The following ATG16L1 variants were observed in gnomAD, a reference collection of about 807,000 sequenced individuals.
ATG16L1 encodes the protein autophagy related 16 like 1, also known as autophagy-related protein 16-1.
In ATG16L1, 37 loss-of-function variants were observed where a neutral mutation model predicts 88.5. The ratio of observed to expected loss-of-function variants is 0.42; its 90% confidence interval spans 0.32 to 0.55. ATG16L1 has a LOEUF of 0.55. Ranked by LOEUF, ATG16L1 falls within the 20% of genes least tolerant of loss-of-function variation. The probability of loss-of-function intolerance (pLI) is 0.13; values close to 1 mark genes in which losing one functional copy is unlikely to be tolerated. For synonymous variants in ATG16L1, 301 were observed against 281.0 expected, an observed-to-expected ratio of 1.07 and a Z score of -0.71; for missense variants, 554 against 752.8, an observed-to-expected ratio of 0.74 and a Z score of 3.09.
At chr2:233,289,278 C>A (rs953353628) in intron 12 of ATG16L1, among the ~76,000 whole-genome samples, 1 of 151,834 alleles carries the variant, frequency 6.6e-6, no homozygotes, top group Non-Finnish European at 1.5e-5. Context: ...GTCTTGATAC[C>A]TCACCTTTGG....
intron 8 of ATG16L1, chr2:233,274,300 G>T (rs746456982): frequency 4.1e-6 from 2 of 483,406 alleles, no homozygotes; most frequent in Non-Finnish European, 7.3e-6. Context: ...TTCTAACTAG[G>T]CATAGAAATA....
At chr2:233,278,400 A>C (rs1221317719) in intron 10 of ATG16L1, among the ~76,000 whole-genome samples, 1 of 152,250 alleles carries the variant, frequency 6.6e-6, no homozygotes. Context: ...AACGGGAACC[A>C]CTTTGCCAAG....
chr2:233,257,069 G>A (rs1465641210), intron 2 of ATG16L1, among the ~76,000 whole-genome samples: 3 of 150,940 alleles, frequency 2.0e-5, no homozygotes, highest in Non-Finnish European at 3.0e-5. Flanking sequence ...TCGCTCTGTC[G>A]CCCAGGCTAG....
chr2:233,275,960 A>G (rs1312908739), intron 9 of ATG16L1: 6 of 519,186 alleles, frequency 1.2e-5, no homozygotes, highest in African/African-American at 3.8e-5. Context: ...AGTGGCAGTC[A>G]TGGGTGTGAT....
At chr2:233,253,343 T>TTTG (rs1553602863) in intron 1 of ATG16L1, among the ~76,000 whole-genome samples, 13 of 129,526 alleles carry the variant, frequency 1.0e-4, no homozygotes, top group African/African-American at 2.3e-4. Flanking sequence ...TTTTTTTGTT[T>TTTG]TTTTTTTTTT....
At position 233,274,740 on chromosome 2, in the gene ATG16L1, A is replaced by G. The variant is rs775535712; in HGVS notation, c.916A>G (p.Lys306Glu). 10 of 1,612,668 alleles carry G rather than the reference A, an allele frequency of 6.2e-6. No homozygotes were observed. The highest frequency in any genetic ancestry group is 1.3e-5 in the African/African-American group (1 of 74,856). ...TGTGGATACTCATCCTGGTTCTGGTAAAGAAGTGAGGGTACCAGCTACTGC... is the reference window on the plus strand; with the variant it reads ...TGTGGATACTCATCCTGGTTCTGGTGAAGAAGTGAGGGTACCAGCTACTGC... ...DNVDTHPGSG[K>E]EVRVPATALC... Residue 306 changes from lysine to glutamate, a missense_variant, in exon 9 of 18, where the codon AAA becomes GAA. By Grantham distance (56) the Lys-to-Glu change is moderately conservative. This residue lies in a region of ATG16L1 where 370 missense variants were observed against 509.7 expected (regional missense o/e 0.73). Transcript: ENST00000392017.
chr2:233,286,209 C>T (rs1004234668), intron 12 of ATG16L1, among the ~76,000 whole-genome samples: 1 of 152,072 alleles, frequency 6.6e-6, no homozygotes, highest in Admixed American at 6.6e-5. Context: ...TAAGTTGTTA[C>T]CTGAATGAGC....
chr2:233,267,491 A>G (rs1338494718), intron 5 of ATG16L1, among the ~76,000 whole-genome samples: 1 of 152,132 alleles, frequency 6.6e-6, no homozygotes, highest in African/African-American at 2.4e-5. Flanking sequence ...AATTATATGT[A>G]CTGTTACTGG....
At chr2:233,272,025 A>G (rs1698031661) in intron 6 of ATG16L1, among the ~76,000 whole-genome samples, 1 of 152,284 alleles carries the variant, frequency 6.6e-6, no homozygotes, top group Non-Finnish European at 1.5e-5. Flanking sequence ...GTTCTTAAGT[A>G]TATATTTACC....
chr2:233,282,167 G>A (rs1307421990), intron 11 of ATG16L1, among the ~76,000 whole-genome samples: 1 of 152,244 alleles, frequency 6.6e-6, no homozygotes, highest in East Asian at 1.9e-4. Context: ...AACTGTGACA[G>A]TGCTGAAGAC....
intron 12 of ATG16L1, chr2:233,288,712 A>C (rs1426153998): frequency 5.8e-6 from 3 of 514,524 alleles, no homozygotes; most frequent in Admixed American, 5.8e-5. Context: ...GAGTCCTCAG[A>C]TCCCCTCCCG....
intron 17 of ATG16L1, 112 bp downstream of exon 17, chr2:233,293,469 C>G: frequency 1.0e-6 from 1 of 974,240 alleles, no homozygotes; most frequent in Non-Finnish European, 1.6e-6. Flanking sequence ...CACTGTCCGC[C>G]CACCTGCTCG....
At chr2:233,261,084 T>G (rs1420876743) in intron 2 of ATG16L1, among the ~76,000 whole-genome samples, 1 of 152,148 alleles carries the variant, frequency 6.6e-6, no homozygotes, top group Non-Finnish European at 1.5e-5. Context: ...GCCTCCCGAA[T>G]AGCTGGGACT....
chr2:233,289,955 G>A lies in ATG16L1; in HGVS notation c.1305G>A (p.Trp435Ter), dbSNP rs1240337863. 6.2e-7 allele frequency: 1 copy of A among 1,614,072 alleles called. No individual in the cohort carries two copies. ...GTCACGACCGGACTCTCAAACTCTG[G>A]GATCTACGCAGCAAAGTCTGTGAGG... ...SGSHDRTLKL[W>*]DLRSKVCIKT... The change falls in exon 13 of 18, where the codon TGG (tryptophan) becomes TGA (stop). Residue 435 changes from tryptophan (W) to a stop codon, truncating the protein, a stop_gained. Transcript: ENST00000392017. LOFTEE classifies it high-confidence loss of function.
intron 9 of ATG16L1, among the ~76,000 whole-genome samples, chr2:233,276,362 A>G (rs1698374435): frequency 6.6e-6 from 1 of 151,958 alleles, no homozygotes; most frequent in African/African-American, 2.4e-5. Flanking sequence ...CTTCCCCCCC[A>G]CACTTATGCT....
chr2:233,277,552 G>C lies in ATG16L1; in HGVS notation c.955-16G>C. ...ATGAGAATGACTGGGTTTGACACAG[G>C]GTGCTTGTCTTGCAGGATGCACATG... is the stretch of plus-strand genomic sequence containing the variant. On this transcript the variant is annotated splice_polypyrimidine_tract_variant and intron_variant, in intron 9 of 17. Transcript: ENST00000392017. The C allele has an allele frequency of 6.2e-7, 1 of 1,611,834 alleles. No homozygotes were observed. Among genetic ancestry groups the C allele is most frequent in the South Asian group, 1.1e-5 (1 of 91,028 alleles).
At chr2:233,272,805 G>C (rs933621914) in intron 6 of ATG16L1, among the ~76,000 whole-genome samples, 161 bp from the exon 7 acceptor site, 1 of 152,238 alleles carries the variant, frequency 6.6e-6, no homozygotes, top group Non-Finnish European at 1.5e-5. Context: ...GTGTTGTTCA[G>C]AACATGGCAG....
At chr2:233,288,953 TC>T (rs775377200) in intron 12 of ATG16L1, 13 of 513,540 alleles carry the variant, frequency 2.5e-5, no homozygotes, top group Non-Finnish European at 3.9e-5. Flanking sequence ...TGATTGAAAA[TC>T]CCCCAGGGGT....
rs1254613512 is a variant in ATG16L1, at chr2:233,264,940, A to G, written c.438A>G (p.Leu146=). The G allele has an allele frequency of 2.5e-6, 4 of 1,613,980 alleles. No homozygotes were observed. Among genetic ancestry groups the G allele is most frequent in the Non-Finnish European group, 3.4e-6 (4 of 1,179,952 alleles). Residue 146 remains leucine (L), a synonymous_variant, in exon 5 of 18, where the codon CTA becomes CTG. Coordinates refer to ENST00000392017, the MANE Select transcript of ATG16L1 (RefSeq NM_030803.7). ...TCTCTGACCTGGAGACGGAGTGCCT[A>G]GACCTGCGCACTAAGCTTTGTGACC... ...QTISDLETEC[L]DLRTKLCDLE... is the part of the protein sequence containing the mutation.
Sources: gnomAD v4.1 joint callset for allele counts (sites outside exome capture counted in the v4.1 genomes callset) on GRCh38, gnomAD v4.1.1 for gene constraint, gnomAD v4.1.1 regional missense constraint, MANE v1.5 for transcripts, NCBI Gene and HGNC (gene_info 2026-07-23, HGNC 2026-07-21) for gene names.